The following EXOC4 variants were observed in gnomAD, a reference collection of about 807,000 sequenced individuals.
EXOC4 encodes exocyst complex component 4, also known as SEC8-like 1.
EXOC4 carries 71 observed loss-of-function variants against 107.2 expected under a neutral mutation model. The ratio of observed to expected loss-of-function variants is 0.66; its 90% CI spans 0.55 to 0.81. The LOEUF is 0.81. Ranked by LOEUF, EXOC4 falls within the 30% of genes least tolerant of loss-of-function variation. EXOC4 has a pLI of 0.00. For missense variants in EXOC4, 1,108 were observed against 1,189.6 expected (o/e 0.93, Z 1.01); for synonymous variants, 456 against 441.2 (o/e 1.03, Z -0.42).
At chr7:133,889,240 G>C (rs1308836190) in intron 11 of EXOC4, among the ~76,000 whole-genome samples, 1 of 152,114 alleles carries the variant, frequency 6.6e-6, no homozygotes, top group Non-Finnish European at 1.5e-5. Flanking sequence ...TCTTGTGAGT[G>C]TCAAGAATTC....
intron 10 of EXOC4, among the ~76,000 whole-genome samples, chr7:133,807,964 C>T (rs17167289): frequency 0.12 from 18,028 of 152,056 alleles, 1,156 homozygotes; most frequent in Middle Eastern, 0.15. Context: ...AAGCCTGCAG[C>T]GTCCAAATTT....
chr7:133,836,051 T>G (rs1797911194), intron 11 of EXOC4, among the ~76,000 whole-genome samples: 1 of 152,234 alleles, frequency 6.6e-6, no homozygotes, highest in South Asian at 2.1e-4. Context: ...TCCTTATTTC[T>G]TTCAGGTTCT....
At chr7:134,023,543 A>G (rs1330107717) in intron 17 of EXOC4, among the ~76,000 whole-genome samples, 1 of 152,184 alleles carries the variant, frequency 6.6e-6, no homozygotes, top group African/African-American at 2.4e-5. Flanking sequence ...CTAACCTAGT[A>G]TGTTTACGAA....
intron 9 of EXOC4, chr7:133,480,510 C>T (rs1799129051): frequency 9.9e-7 from 1 of 1,013,278 alleles, no homozygotes; most frequent in African/African-American, 1.7e-5. Context: ...ACAGGAGTAC[C>T]TGAGATTTGG....
intron 4 of EXOC4, among the ~76,000 whole-genome samples, chr7:133,315,973 C>A (rs1338647740): frequency 6.6e-6 from 1 of 152,188 alleles, no homozygotes; most frequent in Admixed American, 6.5e-5. Flanking sequence ...ACGTTAATGA[C>A]TGTCATAGTG....
At chr7:133,828,603 C>T (rs763186912) in intron 11 of EXOC4, among the ~76,000 whole-genome samples, 6 of 152,146 alleles carry the variant, frequency 3.9e-5, no homozygotes, top group Non-Finnish European at 7.3e-5. Flanking sequence ...AAAGCAGCTG[C>T]TTTTCTTCAT....
chr7:133,979,676 T>C (rs1370406879), intron 14 of EXOC4, among the ~76,000 whole-genome samples: 1 of 151,864 alleles, frequency 6.6e-6, no homozygotes, highest in East Asian at 1.9e-4. Flanking sequence ...TAGTCCCAGC[T>C]ACTCGGGAGG....
At chr7:133,898,020 C>T (rs1799359197) in intron 12 of EXOC4, among the ~76,000 whole-genome samples, 1 of 151,328 alleles carries the variant, frequency 6.6e-6, no homozygotes, top group Admixed American at 6.6e-5. Context: ...CCCCAATCCC[C>T]CAGCCCCCAG....
intron 7 of EXOC4, among the ~76,000 whole-genome samples, chr7:133,454,117 A>T (rs1234936535): frequency 2.6e-5 from 4 of 152,186 alleles, no homozygotes; most frequent in Non-Finnish European, 5.9e-5. Flanking sequence ...ACATGCTACT[A>T]TTACAGTTTC....
At chr7:133,576,700 A>G (rs757203342) in intron 9 of EXOC4, 1 of 1,289,766 alleles carries the variant, frequency 7.8e-7, no homozygotes, top group Non-Finnish European at 1.0e-6. Flanking sequence ...AAACCATCTC[A>G]ATGAAGACTT....
the EXOC4 span, among the ~76,000 whole-genome samples, chr7:134,089,346 C>T: frequency 6.6e-6 from 1 of 152,196 alleles, no homozygotes; most frequent in South Asian, 2.1e-4. Flanking sequence ...ACTTTCTTTA[C>T]ACACCTTGCA....
intron 9 of EXOC4, among the ~76,000 whole-genome samples, chr7:133,573,769 T>G (rs1801072213): frequency 6.6e-6 from 1 of 152,112 alleles, no homozygotes; most frequent in Non-Finnish European, 1.5e-5. Context: ...TCCTCCCACC[T>G]TGGCCTCACA....
intron 9 of EXOC4, among the ~76,000 whole-genome samples, chr7:133,539,487 ATTGT>A (rs1563101319): frequency 6.6e-6 from 1 of 151,710 alleles, no homozygotes; most frequent in African/African-American, 2.4e-5. Context: ...GGCAAGACTG[ATTGT>A]TAACAGAGTT....
intron 1 of EXOC4, among the ~76,000 whole-genome samples, chr7:133,257,364 A>ATG (rs532707354): frequency 3.7e-5 from 5 of 136,414 alleles, no homozygotes; most frequent in African/African-American, 5.9e-5. Context: ...GTTTACACAC[A>ATG]CGCACACACA....
chr7:133,877,077 ACT>A (rs1798865571), intron 11 of EXOC4, among the ~76,000 whole-genome samples: 1 of 132,746 alleles, frequency 7.5e-6, no homozygotes, highest in Admixed American at 7.4e-5. Flanking sequence ...CAGTTCGCTG[ACT>A]CTCCTATTTT....
chr7:133,602,443 T>C (rs775001935), intron 9 of EXOC4, among the ~76,000 whole-genome samples: 1 of 152,192 alleles, frequency 6.6e-6, no homozygotes, highest in South Asian at 2.1e-4. Flanking sequence ...TATTGGCGAT[T>C]GAGTTGTGTG....
intron 12 of EXOC4, among the ~76,000 whole-genome samples, chr7:133,909,573 G>C (rs961363092): frequency 6.6e-6 from 1 of 152,218 alleles, no homozygotes; most frequent in South Asian, 2.1e-4. Context: ...CATTAGACAG[G>C]TAGAGGGGTC....
At chr7:133,614,731 C>T (rs1802148359) in intron 9 of EXOC4, among the ~76,000 whole-genome samples, 2 of 128,128 alleles carry the variant, frequency 1.6e-5, no homozygotes, top group Admixed American at 9.6e-5. Flanking sequence ...TTGTGCATGG[C>T]TTTTGAGGAT....
intron 1 of EXOC4, among the ~76,000 whole-genome samples, chr7:133,255,973 T>G (rs182530862): frequency 6.0e-5 from 9 of 149,662 alleles, no homozygotes; most frequent in Admixed American, 6.0e-4. Flanking sequence ...TTGTATTCAT[T>G]ATTCCTTTTT....
Sources: gnomAD v4.1 joint callset for allele counts (sites outside exome capture counted in the v4.1 genomes callset) on GRCh38, gnomAD v4.1.1 for gene constraint, MANE v1.5 for transcripts, NCBI Gene and HGNC (gene_info 2026-07-23, HGNC 2026-07-21) for gene names.